AK5: variants seen among roughly 807,000 people sequenced by gnomAD.
AK5 encodes adenylate kinase 5, also known as adenylate kinase isoenzyme 5.
In AK5, 27 loss-of-function variants were observed where a neutral mutation model predicts 69.5. The observed-to-expected ratio is 0.39, with a 90% CI of 0.29 to 0.54. The LOEUF (loss-of-function observed/expected upper bound fraction) is 0.54, where lower values mean the gene tolerates loss of function less well. AK5 is among the 20% of genes least tolerant of loss of function. The pLI is 0.71. For missense variants in AK5, 531 were observed against 700.4 expected (o/e 0.76, Z 2.73); for synonymous variants, 260 against 244.4 (o/e 1.06, Z -0.60).
chr1:77,511,257 C>T (rs960180109), intron 10 of AK5, among the ~76,000 whole-genome samples: 4 of 152,066 alleles, frequency 2.6e-5, no homozygotes, highest in African/African-American at 9.7e-5. Flanking sequence ...CATGACATTA[C>T]ACAGAAAAGA....
At chr1:77,520,537 T>A (rs1486133994) in intron 11 of AK5, among the ~76,000 whole-genome samples, 1 of 152,180 alleles carries the variant, frequency 6.6e-6, no homozygotes, top group Non-Finnish European at 1.5e-5. Flanking sequence ...GTCAGCCTGT[T>A]CCTGCCTCAG....
At chr1:77,516,880 G>A (rs1657677126) in intron 10 of AK5, among the ~76,000 whole-genome samples, 1 of 152,034 alleles carries the variant, frequency 6.6e-6, no homozygotes, top group Non-Finnish European at 1.5e-5. Flanking sequence ...CACCAGCCTG[G>A]CCAACGTAGT....
chr1:77,541,882 TCTCCTTGG>T (rs1476815294), intron 13 of AK5, among the ~76,000 whole-genome samples: 3 of 152,334 alleles, frequency 2.0e-5, no homozygotes, highest in African/African-American at 7.2e-5. Flanking sequence ...TTGCTCAGGG[TCTCCTTGG>T]CTCTCTTAGC....
chr1:77,391,525 A>ATATATATATATATG (rs146163792), intron 6 of AK5, among the ~76,000 whole-genome samples: 32 of 121,674 alleles, frequency 2.6e-4, no homozygotes, highest in Non-Finnish European at 5.0e-4. Flanking sequence ...ATATATATAT[A>ATATATATATATATG]TATCTCCTCA....
intron 7 of AK5, among the ~76,000 whole-genome samples, chr1:77,415,592 C>T (rs928415020): frequency 1.3e-5 from 2 of 152,086 alleles, no homozygotes; most frequent in African/African-American, 4.8e-5. Context: ...TGATTGTTAC[C>T]AGCTTGAATG....
intron 6 of AK5, among the ~76,000 whole-genome samples, chr1:77,354,908 A>T (rs1159447889): frequency 6.6e-6 from 1 of 152,234 alleles, no homozygotes; most frequent in East Asian, 1.9e-4. Flanking sequence ...CTGAAAGTTT[A>T]ATTTCAAAAG....
intron 5 of AK5, among the ~76,000 whole-genome samples, chr1:77,334,911 C>G (rs1409614061): frequency 6.6e-6 from 1 of 152,196 alleles, no homozygotes; most frequent in Non-Finnish European, 1.5e-5. Context: ...GTTGAAAGCT[C>G]TGTCCAGAAA....
intron 6 of AK5, among the ~76,000 whole-genome samples, chr1:77,368,016 C>T (rs1367682616): frequency 7.5e-5 from 9 of 119,518 alleles, no homozygotes; most frequent in South Asian, 5.0e-4. Context: ...ACAGGTAGAC[C>T]GTTGACTTTT....
At chr1:77,499,328 G>A (rs371304569) in intron 10 of AK5, among the ~76,000 whole-genome samples, 2 of 152,144 alleles carry the variant, frequency 1.3e-5, no homozygotes, top group Non-Finnish European at 2.9e-5. Context: ...TTGCTTTACT[G>A]TGACATGTTA....
intron 1 of AK5, among the ~76,000 whole-genome samples, chr1:77,284,626 G>T (rs1399195326): frequency 6.6e-6 from 1 of 152,102 alleles, no homozygotes; most frequent in Non-Finnish European, 1.5e-5. Context: ...CTTAATTCTG[G>T]CTAACCTTAT....
intron 8 of AK5, among the ~76,000 whole-genome samples, chr1:77,449,165 GCACCATGCA>G (rs1025993051): frequency 1.3e-5 from 2 of 152,124 alleles, no homozygotes; most frequent in Non-Finnish European, 2.9e-5. Flanking sequence ...CAGACAGTTA[GCACCATGCA>G]CCTGGAAAAG....
At chr1:77,343,388 T>C (rs1661757086) in intron 6 of AK5, among the ~76,000 whole-genome samples, 1 of 152,224 alleles carries the variant, frequency 6.6e-6, no homozygotes, top group South Asian at 2.1e-4. Flanking sequence ...CGTTGCCATT[T>C]AATAATTTCA....
At chr1:77,451,928 C>T (rs1293885261) in intron 8 of AK5, among the ~76,000 whole-genome samples, 2 of 152,146 alleles carry the variant, frequency 1.3e-5, no homozygotes, top group African/African-American at 4.8e-5. Context: ...ATGTTTCTAC[C>T]TATGTCTGCC....
intron 10 of AK5, among the ~76,000 whole-genome samples, chr1:77,497,115 A>C (rs533493643): frequency 4.6e-5 from 7 of 152,174 alleles, no homozygotes; most frequent in Middle Eastern, 3.4e-3. Context: ...GAGCTGTAAC[A>C]CTCACTGGTG....
chr1:77,377,889 C>A (rs552871564), intron 6 of AK5, among the ~76,000 whole-genome samples: 1 of 152,164 alleles, frequency 6.6e-6, no homozygotes, highest in Admixed American at 6.5e-5. Context: ...TGCCCAATGA[C>A]TCTTTAAGCC....
intron 8 of AK5, among the ~76,000 whole-genome samples, chr1:77,458,695 G>C (rs760291846): frequency 3.9e-5 from 6 of 152,098 alleles, no homozygotes; most frequent in Non-Finnish European, 5.9e-5. Flanking sequence ...GAACAGCATG[G>C]GAAGACCCAC....
intron 8 of AK5, among the ~76,000 whole-genome samples, chr1:77,428,159 C>A (rs1236049586): frequency 2.0e-5 from 3 of 152,184 alleles, no homozygotes; most frequent in African/African-American, 7.2e-5. Context: ...AGTGCATAAT[C>A]TGGACTCCAT....
intron 6 of AK5, among the ~76,000 whole-genome samples, chr1:77,387,842 AC>A (rs1648135711): frequency 6.6e-6 from 1 of 152,202 alleles, no homozygotes; most frequent in Non-Finnish European, 1.5e-5. Flanking sequence ...TTAGGGAACA[AC>A]TGAATCATTT....
At chr1:77,311,295 C>G (rs989723664) in intron 5 of AK5, among the ~76,000 whole-genome samples, 1 of 152,106 alleles carries the variant, frequency 6.6e-6, no homozygotes, top group African/African-American at 2.4e-5. Flanking sequence ...AGGAAAGATT[C>G]AAGTGGCTGC....
Sources: allele counts gnomAD v4.1 joint callset (sites outside exome capture counted in the v4.1 genomes callset), GRCh38; gene constraint gnomAD v4.1.1; transcripts MANE v1.5; gene names NCBI Gene and HGNC (gene_info 2026-07-23, HGNC 2026-07-21).